The following CNTN5 variants were observed in gnomAD, a reference collection of about 807,000 sequenced individuals.
CNTN5 encodes the protein contactin 5.
A neutral mutation model predicts 129.1 loss-of-function variants in CNTN5; 77 were observed. The observed-to-expected ratio is 0.60, with a 90% confidence interval of 0.50 to 0.72. The LOEUF (loss-of-function observed/expected upper bound fraction) is 0.72, where lower values mean the gene tolerates loss of function less well. CNTN5 is among the 30% of genes least tolerant of loss of function. The pLI, the probability that CNTN5 is intolerant of heterozygous loss-of-function variation, is 0.00. For synonymous variants in CNTN5, 509 were observed against 465.6 expected, an observed-to-expected ratio of 1.09 and a Z score of -1.20; for missense variants, 1,478 against 1,328.8, an observed-to-expected ratio of 1.11 and a Z score of -1.75.
intron 6 of CNTN5, among the ~76,000 whole-genome samples, chr11:99,894,919 A>ACCATCT (rs1949165543): frequency 6.6e-6 from 1 of 152,200 alleles, no homozygotes; most frequent in Admixed American, 6.5e-5. Context: ...GCATACCATC[A>ACCATCT]CCATCAGTGC....
At chr11:99,968,548 C>A (rs1951157439) in intron 8 of CNTN5, among the ~76,000 whole-genome samples, 1 of 151,626 alleles carries the variant, frequency 6.6e-6, no homozygotes, top group African/African-American at 2.4e-5. Context: ...CTCTGTGATC[C>A]CTGAGATTTG....
At chr11:100,179,021 G>A (rs989446956) in intron 13 of CNTN5, among the ~76,000 whole-genome samples, 1 of 152,078 alleles carries the variant, frequency 6.6e-6, no homozygotes, top group Non-Finnish European at 1.5e-5. Context: ...GGAATACAAT[G>A]TGTAATCATC....
intron 3 of CNTN5, among the ~76,000 whole-genome samples, chr11:99,750,983 A>C (rs531561061): frequency 3.9e-5 from 6 of 152,196 alleles, no homozygotes; most frequent in Non-Finnish European, 7.3e-5. Flanking sequence ...TCAATTAATT[A>C]ACCAACTGAA....
chr11:99,468,121 G>T (rs1427157594), intron 2 of CNTN5, among the ~76,000 whole-genome samples: 2 of 152,156 alleles, frequency 1.3e-5, no homozygotes, highest in African/African-American at 2.4e-5. Flanking sequence ...ATACATAAAA[G>T]AAGAGAGTGA....
intron 2 of CNTN5, among the ~76,000 whole-genome samples, chr11:99,488,880 G>A (rs905291861): frequency 3.3e-5 from 5 of 152,074 alleles, no homozygotes; most frequent in Non-Finnish European, 7.4e-5. Context: ...AGAGGGGAAA[G>A]TGAGCATTGT....
chr11:99,655,664 CTTTA>C (rs143972887), intron 3 of CNTN5, among the ~76,000 whole-genome samples: 3,567 of 152,170 alleles, frequency 0.023, 148 homozygotes, highest in African/African-American at 0.081. Context: ...AAGCATCAGT[CTTTA>C]TTTATCCAGT....
At chr11:99,089,529 G>T (rs566781855) in intron 1 of CNTN5, among the ~76,000 whole-genome samples, 1 of 152,106 alleles carries the variant, frequency 6.6e-6, no homozygotes, top group East Asian at 1.9e-4. Context: ...TCAAAATTCA[G>T]TCTCAGTCCC....
intron 7 of CNTN5, among the ~76,000 whole-genome samples, chr11:99,944,011 A>G (rs1003755190): frequency 1.3e-4 from 20 of 150,750 alleles, no homozygotes; most frequent in African/African-American, 4.6e-4. Flanking sequence ...TGTCTTGGCT[A>G]TAGGGGCTCT....
intron 7 of CNTN5, among the ~76,000 whole-genome samples, chr11:99,941,586 A>ACACACACACACACAC (rs1555163260): frequency 6.6e-6 from 1 of 152,010 alleles, no homozygotes. Flanking sequence ...ACACACACAC[A>ACACACACACACACAC]AAGAGAAAGA....
intron 2 of CNTN5, among the ~76,000 whole-genome samples, chr11:99,484,258 C>G (rs1361474893): frequency 6.6e-6 from 1 of 151,544 alleles, no homozygotes; most frequent in Non-Finnish European, 1.5e-5. Flanking sequence ...TACAAATGGC[C>G]AACAAATATA....
At chr11:99,646,262 A>G (rs916291631) in intron 3 of CNTN5, among the ~76,000 whole-genome samples, 22 of 152,356 alleles carry the variant, frequency 1.4e-4, no homozygotes, top group African/African-American at 4.8e-4. Flanking sequence ...AGCAAACTAC[A>G]TAAGTACCTT....
chr11:99,163,544 A>G (rs1435033176), intron 1 of CNTN5, among the ~76,000 whole-genome samples: 1 of 152,148 alleles, frequency 6.6e-6, no homozygotes, highest in African/African-American at 2.4e-5. Context: ...CTCCATTTTA[A>G]CAAATTTTTA....
At chr11:100,063,653 T>A (rs374804299) in intron 10 of CNTN5, among the ~76,000 whole-genome samples, 2 of 146,064 alleles carry the variant, frequency 1.4e-5, no homozygotes, top group African/African-American at 5.1e-5. Context: ...GTGTAGTGGC[T>A]CAGACCTGAA....
intron 7 of CNTN5, among the ~76,000 whole-genome samples, chr11:99,928,959 T>G (rs1340952561): frequency 6.6e-6 from 1 of 152,174 alleles, no homozygotes; most frequent in Non-Finnish European, 1.5e-5. Flanking sequence ...ACCAAATGCT[T>G]TTAAGAGCAC....
At chr11:99,062,724 GT>G (rs1434981452) in intron 1 of CNTN5, among the ~76,000 whole-genome samples, 2 of 147,910 alleles carry the variant, frequency 1.4e-5, no homozygotes, top group African/African-American at 5.0e-5. Flanking sequence ...ATCACTTAAA[GT>G]CTGTCTGCTT....
chr11:99,620,512 T>C (rs1005388895), intron 3 of CNTN5, among the ~76,000 whole-genome samples: 2 of 96,008 alleles, frequency 2.1e-5, no homozygotes, highest in African/African-American at 3.6e-5. Flanking sequence ...TCTTTTCTTT[T>C]TTTTTTTTTT....
intron 6 of CNTN5, among the ~76,000 whole-genome samples, chr11:99,909,187 T>C (rs1201342361): frequency 6.6e-6 from 1 of 152,160 alleles, no homozygotes; most frequent in Non-Finnish European, 1.5e-5. Context: ...AGGTGATATG[T>C]TGTCCCATTC....
intron 13 of CNTN5, among the ~76,000 whole-genome samples, chr11:100,105,438 G>A (rs1317094385): frequency 6.6e-6 from 1 of 152,172 alleles, no homozygotes; most frequent in African/African-American, 2.4e-5. Flanking sequence ...CCTTTGCATG[G>A]CTGTCTTCTG....
At chr11:99,835,759 G>T (rs959807652) in intron 4 of CNTN5, among the ~76,000 whole-genome samples, 2 of 152,158 alleles carry the variant, frequency 1.3e-5, no homozygotes, top group African/African-American at 2.4e-5. Flanking sequence ...ACTATAACTG[G>T]TCAAGCTAAA....
Sources: allele counts gnomAD v4.1 joint callset (sites outside exome capture counted in the v4.1 genomes callset), GRCh38; gene constraint gnomAD v4.1.1; transcripts MANE v1.5; gene names NCBI Gene and HGNC (gene_info 2026-07-23, HGNC 2026-07-21).